The following DYNC2H1 variants were observed in gnomAD, a reference collection of about 807,000 sequenced individuals.
DYNC2H1 encodes the protein cytoplasmic dynein 2 heavy chain 1.
A neutral mutation model predicts 570.0 loss-of-function variants in DYNC2H1; 410 were observed. The observed-to-expected ratio is 0.72, with a 90% CI of 0.66 to 0.78. DYNC2H1 has a LOEUF of 0.78. Among genes scored for constraint, DYNC2H1 ranks in the 30% least tolerant of loss-of-function variants. The pLI is 0.00. For synonymous variants in DYNC2H1, 1,688 were observed against 1,677.6 expected (o/e 1.01, Z -0.15); for missense variants, 4,865 against 5,046.4 (o/e 0.96, Z 1.09).
At chr11:103,303,502 G>A (rs1417214191) in intron 76 of DYNC2H1, among the ~76,000 whole-genome samples, 1 of 152,060 alleles carries the variant, frequency 6.6e-6, no homozygotes, top group South Asian at 2.1e-4. Context: ...AAATCACAAA[G>A]GTTTTTTATA....
chr11:103,171,717 A>AT (rs960287179), intron 34 of DYNC2H1, among the ~76,000 whole-genome samples: 2 of 152,078 alleles, frequency 1.3e-5, no homozygotes, highest in Non-Finnish European at 2.9e-5. Context: ...AGGTGCTATT[A>AT]TTTTTTTCCC....
At chr11:103,307,457 CAA>C in intron 77 of DYNC2H1, among the ~76,000 whole-genome samples, 1 of 152,074 alleles carries the variant, frequency 6.6e-6, no homozygotes, top group Non-Finnish European at 1.5e-5. Context: ...TGGAATAAGT[CAA>C]AGAGACCAAG....
Position 103,122,938 on chromosome 11 carries a change from A to G in DYNC2H1, c.1599A>G (p.Glu533=). Residue 533 remains glutamate, a synonymous_variant, in exon 11 of 89, where the codon GAA becomes GAG. Coordinates refer to ENST00000375735, the MANE Select transcript of DYNC2H1 (RefSeq NM_001377.3). ...LLDQLKLYEQ[E]QFDDWSRDIQ... ...ACCAGCTTAAACTATATGAACAGGA[A>G]CAATTTGATGATTGGTCCAGGGATA... 8.1e-6 allele frequency: 13 copies of G among 1,610,038 alleles called. No homozygotes were observed. Among genetic ancestry groups the G allele is most frequent in the Non-Finnish European group, 1.0e-5 (12 of 1,177,630 alleles).
intron 63 of DYNC2H1, among the ~76,000 whole-genome samples, chr11:103,240,895 G>C (rs1299809006): frequency 6.6e-6 from 1 of 152,096 alleles, no homozygotes; most frequent in East Asian, 1.9e-4. Context: ...ACAGACTCCA[G>C]GTTACTCCTG....
rs1862722124 is a variant in DYNC2H1, at chr11:103,201,595, T to C, written c.8197+1441T>C. Among the ~76,000 whole-genome samples the C allele has an allele frequency of 1.3e-5, 2 of 152,186 alleles. No homozygotes were observed. The highest frequency in any genetic ancestry group is 2.9e-5 in the Non-Finnish European group (2 of 68,032). On this transcript the variant is annotated intron_variant, in intron 50 of 88. Transcript: ENST00000375735. The surrounding 1 kb of genome is among the most constrained non-coding windows in gnomAD (Gnocchi z 4.8). The stretch of plus-strand genomic sequence containing the variant: ...TGGTGGGAGTATCATTTGGCTATTG[T>C]GACTCCCTAATTGAGTCTCTGCAAC...
At chr11:103,258,444 A>G (rs767314027) in intron 69 of DYNC2H1, among the ~76,000 whole-genome samples, 3 of 152,138 alleles carry the variant, frequency 2.0e-5, no homozygotes, top group Non-Finnish European at 4.4e-5. Context: ...TATTGATTCT[A>G]TTGGAAATTT....
At chr11:103,404,121 A>G (rs1942762743) in intron 84 of DYNC2H1, 1 of 151,994 alleles carries the variant, frequency 6.6e-6, no homozygotes. Flanking sequence ...TTCTTCCATA[A>G]TAGGGGATGT....
chr11:103,437,116 C>T (rs1944091526), intron 85 of DYNC2H1, among the ~76,000 whole-genome samples: 1 of 152,138 alleles, frequency 6.6e-6, no homozygotes, highest in African/African-American at 2.4e-5. Context: ...TCCATTCTGT[C>T]ACTGACTCCC....
intron 83 of DYNC2H1, among the ~76,000 whole-genome samples, chr11:103,365,474 T>C (rs899188541): frequency 2.6e-5 from 4 of 152,200 alleles, no homozygotes; most frequent in Non-Finnish European, 5.9e-5. Flanking sequence ...TTAATTCCTA[T>C]TGGGCTGAAT....
At chr11:103,385,058 G>T (rs887686802) in intron 83 of DYNC2H1, among the ~76,000 whole-genome samples, 1 of 151,968 alleles carries the variant, frequency 6.6e-6, no homozygotes, top group Non-Finnish European at 1.5e-5. Context: ...TTGCTTCTTT[G>T]ATCTATCTTT....
At position 103,324,676 on chromosome 11, in the gene DYNC2H1, T is replaced by C. The variant is rs1481103134; in HGVS notation, c.12039+686T>C. 6.6e-6 allele frequency among the ~76,000 whole-genome samples: 1 copy of C among 152,248 alleles called. No individual in the cohort carries two copies. The highest frequency in any genetic ancestry group is 1.5e-5 in the Non-Finnish European group (1 of 68,042). On this transcript the variant is annotated intron_variant, in intron 82 of 88. Transcript: ENST00000375735. This position sits in a 1 kb window ranked among gnomAD's most constrained non-coding sequence, Gnocchi z 5.2. The stretch of plus-strand genomic sequence containing the variant: ...TGGGTAGTGCTGCAGTGAACATTCA[T>C]GTGCATATGTCTTTATGGTAGAACC...
At chr11:103,456,138 G>T in intron 86 of DYNC2H1, 137 bp from the exon 87 acceptor site, 1 of 587,174 alleles carries the variant, frequency 1.7e-6, no homozygotes, top group Non-Finnish European at 2.7e-6. Context: ...GACATATTAT[G>T]CATAGTTTAA....
chr11:103,158,833 T>A (rs1860955148), intron 27 of DYNC2H1, 24 bp downstream of exon 27: 1 of 1,454,042 alleles, frequency 6.9e-7, no homozygotes, highest in Non-Finnish European at 9.2e-7. Context: ...GAAAAAAATA[T>A]ATAATAAATT....
At chr11:103,416,891 G>A (rs1212801617) in intron 84 of DYNC2H1, among the ~76,000 whole-genome samples, 1 of 152,046 alleles carries the variant, frequency 6.6e-6, no homozygotes, top group African/African-American at 2.4e-5. Context: ...TCTGACAAAA[G>A]GCTAATATCC....
chr11:103,282,220 A>G lies in DYNC2H1; in HGVS notation c.10803A>G (p.Leu3601=). Residue 3601 remains leucine, a synonymous_variant, in exon 72 of 89, where the codon TTA becomes TTG. Transcript: ENST00000375735. ...TFTGVVVGDM[L]RKADSQQKIR... ...CAGGTGTGGTTGTTGGAGACATGTT[A>G]CGGAAAGCTGTAAGTTAAAATAACA... 1 of 1,608,698 alleles carries G rather than the reference A, an allele frequency of 6.2e-7. No individual in the cohort carries two copies. The highest frequency in any genetic ancestry group is 8.5e-7 in the Non-Finnish European group (1 of 1,177,772).
chr11:103,312,109 G>GAGCCACCAT, intron 79 of DYNC2H1, 76 bp downstream of exon 79: 2 of 1,478,586 alleles, frequency 1.4e-6, no homozygotes, highest in Non-Finnish European at 1.8e-6. Context: ...GGCCAGGCAT[G>GAGCCACCAT]GTGGCTCATG....
chr11:103,417,070 C>T (rs1425909732), intron 84 of DYNC2H1, among the ~76,000 whole-genome samples: 3 of 152,094 alleles, frequency 2.0e-5, no homozygotes, highest in Non-Finnish European at 4.4e-5. Flanking sequence ...ATCAAAACCA[C>T]AATGAGATAC....
chr11:103,328,098 G>A (rs981241492), intron 82 of DYNC2H1, among the ~76,000 whole-genome samples: 5 of 152,036 alleles, frequency 3.3e-5, no homozygotes, highest in African/African-American at 7.2e-5. Context: ...CAAATTTATC[G>A]TAATATGATC....
At chr11:103,250,687 A>G (rs1249782646) in intron 65 of DYNC2H1, among the ~76,000 whole-genome samples, 1 of 152,156 alleles carries the variant, frequency 6.6e-6, no homozygotes. Flanking sequence ...AAATCAAAAT[A>G]TTGATAGTCT....
Sources: allele counts gnomAD v4.1 joint callset (sites outside exome capture counted in the v4.1 genomes callset), GRCh38; gene constraint gnomAD v4.1.1; non-coding constraint Gnocchi (gnomAD v3.1); transcripts MANE v1.5; gene names NCBI Gene and HGNC (gene_info 2026-07-23, HGNC 2026-07-21).